The following GABBR2 variants were observed in gnomAD, a reference collection of about 807,000 sequenced individuals.
GABBR2 encodes the protein gamma-aminobutyric acid type B receptor subunit 2, also known as G-protein coupled receptor 51.
Under a neutral mutation model 105.6 loss-of-function variants are expected in GABBR2, and 23 were observed. The observed-to-expected ratio is 0.22, with a 90% CI of 0.16 to 0.31. GABBR2 has a LOEUF of 0.31. Among genes scored for constraint, GABBR2 ranks in the 10% least tolerant of loss-of-function variants. GABBR2 has a pLI of 1.00. For missense variants in GABBR2, 734 were observed against 1,245.5 expected, an observed-to-expected ratio of 0.59 and a Z score of 6.18; for synonymous variants, 478 against 499.7, an observed-to-expected ratio of 0.96 and a Z score of 0.58.
chr9:98,545,894 A>G (rs576343500), intron 2 of GABBR2, among the ~76,000 whole-genome samples: 1 of 152,278 alleles, frequency 6.6e-6, no homozygotes, highest in South Asian at 2.1e-4. Context: ...GGCTGTTAGC[A>G]TTAGGGCCCT....
chr9:98,407,965 T>G (rs16915689), intron 7 of GABBR2, among the ~76,000 whole-genome samples: 2,677 of 152,326 alleles, frequency 0.018, 35 homozygotes, highest in African/African-American at 0.026. Context: ...ACAGTGGAAG[T>G]AGGCCAGCGT....
chr9:98,571,968 A>C (rs1305999057), intron 2 of GABBR2, among the ~76,000 whole-genome samples: 1 of 152,144 alleles, frequency 6.6e-6, no homozygotes, highest in Non-Finnish European at 1.5e-5. Context: ...CCAGTGCCCC[A>C]TGTGCTCTCC....
chr9:98,666,914 G>C (rs1269138599), intron 1 of GABBR2, among the ~76,000 whole-genome samples: 1 of 152,208 alleles, frequency 6.6e-6, no homozygotes, highest in African/African-American at 2.4e-5. Flanking sequence ...CATCAAGAGG[G>C]GCAGGGCTGC....
At chr9:98,585,659 A>T (rs991831354) in intron 1 of GABBR2, among the ~76,000 whole-genome samples, 23 of 152,232 alleles carry the variant, frequency 1.5e-4, no homozygotes, top group African/African-American at 4.3e-4. Flanking sequence ...AAATTAAAAA[A>T]ATATATATGT....
chr9:98,303,325 C>A lies in GABBR2; in HGVS notation c.2328G>T (p.Ser776=), dbSNP rs768304032. Reference sequence around the variant, plus strand: ...TGCTGGCTTGGTTCACACTGGTGACCGAGGTGGACGTTTTAGAATCTTCTT... The same window carrying A: ...TGCTGGCTTGGTTCACACTGGTGACAGAGGTGGACGTTTTAGAATCTTCTT... ...QKKEDSKTST[S]VTSVNQASTS... Residue 776 remains serine (S), a synonymous_variant, in exon 16 of 19, where the codon TCG becomes TCT. Coordinates refer to ENST00000259455, the MANE Select transcript of GABBR2 (RefSeq NM_005458.8). The A allele has an allele frequency of 6.2e-7, 1 of 1,614,072 alleles. No homozygotes were observed. Among genetic ancestry groups the A allele is most frequent in the Non-Finnish European group, 8.5e-7 (1 of 1,179,950 alleles).
intron 2 of GABBR2, among the ~76,000 whole-genome samples, chr9:98,556,147 G>C (rs1481169074): frequency 6.6e-6 from 1 of 152,206 alleles, no homozygotes. Context: ...AACAGGGTTT[G>C]CGCCCCATCC....
At chr9:98,589,239 A>G (rs373761813) in intron 1 of GABBR2, among the ~76,000 whole-genome samples, 85 of 152,114 alleles carry the variant, frequency 5.6e-4, no homozygotes, top group Admixed American at 1.4e-3. Context: ...CACACCCTTT[A>G]CTGATGTCAG....
At position 98,491,233 on chromosome 9, in the gene GABBR2, C is replaced by T. The variant is rs1272664274; in HGVS notation, c.732+5180G>A. On this transcript the variant is annotated intron_variant, in intron 4 of 18. Coordinates refer to ENST00000259455, the MANE Select transcript of GABBR2 (RefSeq NM_005458.8). Reference sequence around the variant, plus strand: ...TCCTGTTTGACACCTGTATCTTGAACACGCTTTGGTCTGATATGAATACTG... The same window carrying T: ...TCCTGTTTGACACCTGTATCTTGAATACGCTTTGGTCTGATATGAATACTG... Among the ~76,000 whole-genome samples the T allele has an allele frequency of 5.3e-5, 8 of 152,322 alleles. No homozygotes were observed. In the East Asian group the frequency reaches 1.4e-3, roughly 26 times the overall value.
chr9:98,386,583 CTGTGG>C (rs1446097445), intron 10 of GABBR2, among the ~76,000 whole-genome samples: 1 of 152,130 alleles, frequency 6.6e-6, no homozygotes, highest in Non-Finnish European at 1.5e-5. Flanking sequence ...TCCCGGAACC[CTGTGG>C]TGGCCTCCAG....
intron 1 of GABBR2, among the ~76,000 whole-genome samples, chr9:98,652,457 G>A (rs1830121481): frequency 6.6e-6 from 1 of 152,152 alleles, no homozygotes. Context: ...ACTTGCTCAA[G>A]CCAACAAGCA....
intron 1 of GABBR2, among the ~76,000 whole-genome samples, chr9:98,632,946 C>A (rs1260467851): frequency 1.3e-5 from 2 of 152,182 alleles, no homozygotes; most frequent in African/African-American, 4.8e-5. Flanking sequence ...TGGAGAGCCT[C>A]AGGAAGTACA....
At chr9:98,615,530 C>G (rs1252916621) in intron 1 of GABBR2, among the ~76,000 whole-genome samples, 1 of 152,180 alleles carries the variant, frequency 6.6e-6, no homozygotes. Context: ...CTCCTCCCCA[C>G]CCCCAGGATA....
At chr9:98,593,344 C>T (rs1829174343) in intron 1 of GABBR2, among the ~76,000 whole-genome samples, 1 of 152,164 alleles carries the variant, frequency 6.6e-6, no homozygotes, top group Non-Finnish European at 1.5e-5. Flanking sequence ...GACGACGACC[C>T]TGGCAGCCAC....
At chr9:98,603,287 C>T (rs1332554807) in intron 1 of GABBR2, among the ~76,000 whole-genome samples, 3 of 152,224 alleles carry the variant, frequency 2.0e-5, no homozygotes, top group African/African-American at 4.8e-5. Flanking sequence ...CCTGTTACAA[C>T]TAAGATCTGG....
intron 5 of GABBR2, among the ~76,000 whole-genome samples, chr9:98,477,864 T>TA (rs1231979438): frequency 6.6e-6 from 1 of 152,196 alleles, no homozygotes; most frequent in African/African-American, 2.4e-5. Flanking sequence ...TGGCCTCATT[T>TA]AAGCCTCTCG....
At chr9:98,483,386 G>T (rs543264859) in intron 4 of GABBR2, among the ~76,000 whole-genome samples, 152 of 152,004 alleles carry the variant, frequency 1.0e-3, no homozygotes, top group Non-Finnish European at 1.8e-3. Flanking sequence ...TCCACCCATC[G>T]CCACAGAGCA....
At chr9:98,630,240 A>G (rs546611907) in intron 1 of GABBR2, among the ~76,000 whole-genome samples, 47 of 152,194 alleles carry the variant, frequency 3.1e-4, no homozygotes, top group Non-Finnish European at 5.7e-4. Context: ...CAAATCTGAA[A>G]TCAGTCAAAC....
chr9:98,606,838 G>A (rs1225630911), intron 1 of GABBR2: 3 of 451,866 alleles, frequency 6.6e-6, no homozygotes, highest in Non-Finnish European at 1.2e-5. Context: ...AACAGTGCGA[G>A]AGCCACTGCT....
At chr9:98,487,525 A>G (rs944763) in intron 4 of GABBR2, among the ~76,000 whole-genome samples, 40,230 of 151,952 alleles carry the variant, frequency 0.26, 5,728 homozygotes, top group African/African-American at 0.34. Context: ...CTGTAATCCC[A>G]GCACATTAGG....
Sources: allele counts gnomAD v4.1 joint callset (sites outside exome capture counted in the v4.1 genomes callset), GRCh38; gene constraint gnomAD v4.1.1; transcripts MANE v1.5; gene names NCBI Gene and HGNC (gene_info 2026-07-23, HGNC 2026-07-21).